Variants in GLP2R observed in about 807,000 individuals in gnomAD.
GLP2R encodes the protein glucagon-like peptide 2 receptor.
A neutral mutation model predicts 68.2 loss-of-function variants in GLP2R; 59 were observed. That is an observed-to-expected ratio of 0.87 (90% CI 0.70 to 1.07). GLP2R has a LOEUF of 1.07. Among genes scored for constraint, GLP2R ranks in the 50% least tolerant of loss-of-function variants. GLP2R has a pLI of 0.00. For missense variants in GLP2R, 548 were observed against 677.4 expected (o/e 0.81, Z 2.12); for synonymous variants, 270 against 265.4 (o/e 1.02, Z -0.17).
chr17:9,856,336 G>A (rs939115452), intron 5 of GLP2R, among the ~76,000 whole-genome samples: 3 of 152,218 alleles, frequency 2.0e-5, no homozygotes, highest in Admixed American at 6.5e-5. Flanking sequence ...AGGCCCAGTC[G>A]CTGCCCTCAA....
rs768614899 is a variant in GLP2R, at chr17:9,857,485, C to A, written c.674C>A (p.Thr225Asn). The change falls in exon 6 of 13, where the codon ACC becomes AAC. Residue 225 changes from threonine to asparagine, a missense_variant. Thr to Asn is a moderately conservative substitution (Grantham distance 65, BLOSUM62 0). Coordinates refer to ENST00000262441, the MANE Select transcript of GLP2R (RefSeq NM_004246.3). The part of the protein sequence containing the change: ...MNLFASFILR[T>N]LAVLVKDVVF... Reference sequence around the variant, plus strand: ...TTGTTTGCTTCTTTCATCCTGAGAACCCTGGCTGTACTGGTGAAGGACGTC... The same window carrying A: ...TTGTTTGCTTCTTTCATCCTGAGAAACCTGGCTGTACTGGTGAAGGACGTC... The A allele has an allele frequency of 2.2e-5, 35 of 1,614,012 alleles. No homozygotes were observed. The highest frequency in any genetic ancestry group is 2.5e-5 in the Non-Finnish European group (30 of 1,179,988).
chr17:9,857,767 C>T (rs2066947690), intron 6 of GLP2R, among the ~76,000 whole-genome samples, 191 bp downstream of exon 6: 1 of 118,428 alleles, frequency 8.4e-6, no homozygotes, highest in Admixed American at 8.2e-5. Flanking sequence ...GTGAAAGAAA[C>T]CAAAACAGAA....
At chr17:9,871,570 C>A (rs1018362314) in intron 10 of GLP2R, among the ~76,000 whole-genome samples, 7 of 152,162 alleles carry the variant, frequency 4.6e-5, no homozygotes, top group Non-Finnish European at 1.0e-4. Context: ...CTGCATCTCA[C>A]CTTCCTCTTT....
intron 11 of GLP2R, among the ~76,000 whole-genome samples, chr17:9,884,353 A>G (rs1443026533): frequency 6.6e-6 from 1 of 152,198 alleles, no homozygotes; most frequent in African/African-American, 2.4e-5. Context: ...TATTATACCT[A>G]TTTTAAAGAT....
intron 1 of GLP2R, among the ~76,000 whole-genome samples, chr17:9,830,657 G>T (rs572500679): frequency 6.6e-5 from 10 of 152,192 alleles, no homozygotes; most frequent in Non-Finnish European, 1.0e-4. Context: ...GGTGCTATGA[G>T]ATATTTTAAT....
At chr17:9,861,304 T>C (rs1485061985) in intron 8 of GLP2R, 105 bp downstream of exon 8, 22 of 782,304 alleles carry the variant, frequency 2.8e-5, no homozygotes, top group Non-Finnish European at 4.9e-5. Flanking sequence ...CTATCCCTTC[T>C]CATTTTGGCC....
At chr17:9,859,142 T>C (rs9897103) in intron 6 of GLP2R, among the ~76,000 whole-genome samples, 65,721 of 152,004 alleles carry the variant, frequency 0.43, 16,050 homozygotes, top group African/African-American at 0.67. Flanking sequence ...TAACCGTATG[T>C]TGTAAGTTCA....
intron 4 of GLP2R, among the ~76,000 whole-genome samples, chr17:9,844,384 G>T (rs948204081): frequency 2.6e-5 from 4 of 152,122 alleles, no homozygotes; most frequent in African/African-American, 9.7e-5. Flanking sequence ...CCATGCTGGA[G>T]GCAGAAGGCA....
At position 9,892,079 on chromosome 17, in the gene GLP2R, G is replaced by A. The variant is rs2067295730; in HGVS notation, c.*2374G>A. The A allele has an allele frequency of 6.6e-6, 1 of 152,226 alleles. No individual in the cohort carries two copies. Among genetic ancestry groups the A allele is most frequent in the Non-Finnish European group, 1.5e-5 (1 of 68,050 alleles). 9.4% of individuals were successfully genotyped at this position (152,226 alleles called of 1,614,324 possible). A position where few individuals can be genotyped will look rare whatever the true frequency, so the allele number is the denominator to read the frequency against. Reference sequence around the variant, plus strand: ...TACTGCTTGCTCTTGTTCTGCTAATGATTAAAACAAGTTTATTTAATTTCA... The same window carrying A: ...TACTGCTTGCTCTTGTTCTGCTAATAATTAAAACAAGTTTATTTAATTTCA... On this transcript the variant is annotated 3_prime_UTR_variant, in exon 13 of 13. Coordinates refer to ENST00000262441, the MANE Select transcript of GLP2R (RefSeq NM_004246.3).
intron 4 of GLP2R, chr17:9,853,426 T>A (rs1213503789): frequency 6.5e-6 from 1 of 154,228 alleles, no homozygotes; most frequent in African/African-American, 2.4e-5. Context: ...CTTAAGAAGA[T>A]CAATAAATTT....
At chr17:9,851,287 ACT>A (rs2066889425) in intron 4 of GLP2R, among the ~76,000 whole-genome samples, 1 of 151,928 alleles carries the variant, frequency 6.6e-6, no homozygotes, top group Non-Finnish European at 1.5e-5. Context: ...AAACTACACC[ACT>A]CTGTGTGCAG....
At chr17:9,838,504 A>G (rs1466306885) in intron 3 of GLP2R, among the ~76,000 whole-genome samples, 15 of 152,120 alleles carry the variant, frequency 9.9e-5, no homozygotes. Context: ...CTCACTGTCT[A>G]CCTGTCCCTC....
At chr17:9,883,268 C>T (rs2152049236) in intron 11 of GLP2R, among the ~76,000 whole-genome samples, 1 of 151,972 alleles carries the variant, frequency 6.6e-6, no homozygotes, top group Non-Finnish European at 1.5e-5. Flanking sequence ...GAATAAATAA[C>T]CTGTGAGCTT....
intron 10 of GLP2R, among the ~76,000 whole-genome samples, chr17:9,875,372 G>T (rs562301884): frequency 6.6e-6 from 1 of 152,218 alleles, no homozygotes; most frequent in Non-Finnish European, 1.5e-5. Flanking sequence ...GGATAAGAAG[G>T]AGGAGGTGAC....
chr17:9,852,460 C>G (rs1597387222), intron 4 of GLP2R, among the ~76,000 whole-genome samples: 1 of 152,026 alleles, frequency 6.6e-6, no homozygotes, highest in Non-Finnish European at 1.5e-5. Flanking sequence ...TTTTCTTTAT[C>G]CAATCTATAG....
intron 10 of GLP2R, among the ~76,000 whole-genome samples, chr17:9,872,549 C>A (rs542800012): frequency 6.6e-6 from 1 of 152,334 alleles, no homozygotes; most frequent in South Asian, 2.1e-4. Context: ...TGTACTCCGG[C>A]CTGGGTGACA....
intron 9 of GLP2R, among the ~76,000 whole-genome samples, chr17:9,870,338 C>T (rs1342571000): frequency 6.6e-6 from 1 of 152,132 alleles, no homozygotes; most frequent in African/African-American, 2.4e-5. Flanking sequence ...TGACATGGTG[C>T]TAAGTACTAA....
intron 4 of GLP2R, among the ~76,000 whole-genome samples, chr17:9,842,925 A>G (rs56273042): frequency 0.18 from 27,764 of 152,144 alleles, 4,489 homozygotes; most frequent in African/African-American, 0.42. Context: ...CCTTCTCACC[A>G]TCCAGGGTTC....
At chr17:9,862,365 T>C (rs1023516310) in intron 9 of GLP2R, among the ~76,000 whole-genome samples, 1 of 152,166 alleles carries the variant, frequency 6.6e-6, no homozygotes, top group Admixed American at 6.5e-5. Context: ...AGGGCTGAGA[T>C]GTGTGCAAGG....
Sources: allele counts gnomAD v4.1 joint callset (sites outside exome capture counted in the v4.1 genomes callset), GRCh38; gene constraint gnomAD v4.1.1; transcripts MANE v1.5; gene names NCBI Gene and HGNC (gene_info 2026-07-23, HGNC 2026-07-21).